Variants in THSD7A observed in about 807,000 individuals in gnomAD.
The protein encoded by THSD7A is thrombospondin type-1 domain-containing protein 7A.
In THSD7A, 96 loss-of-function variants were observed where a neutral mutation model predicts 231.3. The ratio of observed to expected loss-of-function variants is 0.41; its 90% confidence interval spans 0.35 to 0.49. The LOEUF is 0.49. Ranked by LOEUF, THSD7A falls within the 20% of genes least tolerant of loss-of-function variation. THSD7A has a pLI of 0.05. For synonymous variants in THSD7A, 940 were observed against 743.3 expected (o/e 1.26, Z -4.30); for missense variants, 2,290 against 2,070.2 (o/e 1.11, Z -2.06).
intron 1 of THSD7A, among the ~76,000 whole-genome samples, chr7:11,645,162 T>C (rs1292405407): frequency 6.6e-6 from 1 of 151,918 alleles, no homozygotes; most frequent in African/African-American, 2.4e-5. Flanking sequence ...AATCCACTGT[T>C]ATTTTAGTTA....
At chr7:11,829,416 C>T (rs1048382576) in intron 1 of THSD7A, among the ~76,000 whole-genome samples, 9 of 152,028 alleles carry the variant, frequency 5.9e-5, no homozygotes, top group African/African-American at 2.2e-4. Context: ...AAGCCAAGAA[C>T]CAAAGTCATT....
intron 6 of THSD7A, among the ~76,000 whole-genome samples, chr7:11,511,660 C>A (rs1445033428): frequency 6.6e-6 from 1 of 152,006 alleles, no homozygotes; most frequent in Non-Finnish European, 1.5e-5. Flanking sequence ...CTTTGACAAA[C>A]CTGAGAAAAA....
chr7:11,677,814 G>A (rs12536885), intron 1 of THSD7A, among the ~76,000 whole-genome samples: 22,747 of 151,826 alleles, frequency 0.15, 1,815 homozygotes, highest in Admixed American at 0.19. Context: ...AGGATATCCA[G>A]GAGTTGAACT....
chr7:11,392,930 C>T (rs1366807989), intron 23 of THSD7A, among the ~76,000 whole-genome samples: 1 of 152,210 alleles, frequency 6.6e-6, no homozygotes, highest in African/African-American at 2.4e-5. Context: ...TAGGATAGAG[C>T]ACCTGGGGGA....
At chr7:11,755,350 A>T (rs1455914135) in intron 1 of THSD7A, among the ~76,000 whole-genome samples, 1 of 152,150 alleles carries the variant, frequency 6.6e-6, no homozygotes, top group Non-Finnish European at 1.5e-5. Context: ...AATTAAAAGC[A>T]TGAATATGCA....
intron 23 of THSD7A, among the ~76,000 whole-genome samples, chr7:11,395,836 A>C (rs1273644945): frequency 2.6e-5 from 4 of 151,972 alleles, no homozygotes. Flanking sequence ...CAGAATATAC[A>C]CTCTTCTCAG....
chr7:11,565,041 C>G (rs1209761987), intron 4 of THSD7A, among the ~76,000 whole-genome samples: 1 of 152,136 alleles, frequency 6.6e-6, no homozygotes, highest in African/African-American at 2.4e-5. Context: ...GAGAGTCTGT[C>G]TTTCCATTTT....
chr7:11,545,824 AG>A (rs1789357086), intron 4 of THSD7A, among the ~76,000 whole-genome samples: 1 of 152,162 alleles, frequency 6.6e-6, no homozygotes, highest in East Asian at 1.9e-4. Context: ...TAGCTGCAGA[AG>A]AGCATGGCCA....
At chr7:11,475,676 A>G (rs759857866) in intron 7 of THSD7A, among the ~76,000 whole-genome samples, 14 of 149,538 alleles carry the variant, frequency 9.4e-5, no homozygotes, top group Non-Finnish European at 1.8e-4. Context: ...AAATTTTTCT[A>G]GGGAATATGG....
At chr7:11,665,700 T>C (rs1185881295) in intron 1 of THSD7A, among the ~76,000 whole-genome samples, 1 of 152,072 alleles carries the variant, frequency 6.6e-6, no homozygotes, top group Non-Finnish European at 1.5e-5. Context: ...TGGACAAAGA[T>C]TGGAGTCTGG....
At chr7:11,763,094 G>C (rs904709640) in intron 1 of THSD7A, among the ~76,000 whole-genome samples, 1 of 152,122 alleles carries the variant, frequency 6.6e-6, no homozygotes, top group Non-Finnish European at 1.5e-5. Flanking sequence ...ACCAGAAAAA[G>C]ACAAAAGCTA....
intron 1 of THSD7A, among the ~76,000 whole-genome samples, chr7:11,678,650 G>T (rs566136614): frequency 4.0e-4 from 61 of 152,260 alleles, no homozygotes; most frequent in African/African-American, 1.4e-3. Flanking sequence ...AAACCAGGAA[G>T]AAGTTGAATC....
chr7:11,714,656 A>G (rs1242794727), intron 1 of THSD7A, among the ~76,000 whole-genome samples: 1 of 151,396 alleles, frequency 6.6e-6, no homozygotes, highest in African/African-American at 2.4e-5. Context: ...TTAATTAAAA[A>G]GTACCCTAAG....
At chr7:11,379,893 C>T in intron 24 of THSD7A, 181 bp from the exon 25 acceptor site, 1 of 626,216 alleles carries the variant, frequency 1.6e-6, no homozygotes, top group Non-Finnish European at 2.8e-6. Context: ...ACTCCAGGCC[C>T]TTTTTACCCA....
chr7:11,826,876 C>G (rs956445411), intron 1 of THSD7A, among the ~76,000 whole-genome samples: 12 of 151,188 alleles, frequency 7.9e-5, no homozygotes, highest in African/African-American at 2.7e-4. Flanking sequence ...AGTTATTCAT[C>G]TTTCAGTAAT....
chr7:11,407,527 C>T, intron 19 of THSD7A, 104 bp from the exon 20 acceptor site: 1 of 794,202 alleles, frequency 1.3e-6, no homozygotes, highest in Non-Finnish European at 2.0e-6. Context: ...AAGCAAGCCA[C>T]ATAAGAGAAT....
At chr7:11,738,740 A>T (rs1265150758) in intron 1 of THSD7A, among the ~76,000 whole-genome samples, 2 of 152,002 alleles carry the variant, frequency 1.3e-5, no homozygotes, top group African/African-American at 4.8e-5. Context: ...GGCCTTGAAG[A>T]TGGAAGAAAA....
intron 1 of THSD7A, among the ~76,000 whole-genome samples, chr7:11,644,048 T>TAAA (rs35693247): frequency 1.4e-5 from 2 of 145,648 alleles, no homozygotes. Context: ...ATCCTTTGAC[T>TAAA]AAAAAAAAAA....
At position 11,428,971 on chromosome 7, in the gene THSD7A, G is replaced by A. The variant is rs1379807941; in HGVS notation, c.3219C>T (p.Cys1073=). ...CCTGGTTGACATGGTCCAGTTTGGG[G>A]CAAGGCCTTCCTCCATTATATGGTT... ...REKPYNGGRP[C]PKLDHVNQAQ... is the part of the protein sequence containing the mutation. The change falls in exon 14 of 28, where the codon TGC becomes TGT. Residue 1073 remains cysteine (C), a synonymous_variant. Transcript: ENST00000423059. The A allele has an allele frequency of 3.1e-6, 5 of 1,610,552 alleles. No individual in the cohort carries two copies. The highest frequency in any genetic ancestry group is 4.2e-6 in the Non-Finnish European group (5 of 1,178,552).
Sources: allele counts gnomAD v4.1 joint callset (sites outside exome capture counted in the v4.1 genomes callset), GRCh38; gene constraint gnomAD v4.1.1; transcripts MANE v1.5; gene names NCBI Gene and HGNC (gene_info 2026-07-23, HGNC 2026-07-21).